LMO3: variants seen among roughly 807,000 people sequenced by gnomAD.
LMO3 encodes LIM domain only protein 3.
In LMO3, 2 loss-of-function variants were observed where a neutral mutation model predicts 15.8. The observed-to-expected ratio is 0.13, with a 90% CI of 0.05 to 0.40. LMO3 has a LOEUF of 0.40. Among genes scored for constraint, LMO3 ranks in the 10% least tolerant of loss-of-function variants. The pLI is 0.99. For missense variants in LMO3, 86 were observed against 182.2 expected (o/e 0.47, Z 3.04); for synonymous variants, 62 against 63.8 (o/e 0.97, Z 0.13).
chr12:16,551,606 T>A (rs1941992205), intron 3 of LMO3, among the ~76,000 whole-genome samples: 4 of 151,270 alleles, frequency 2.6e-5, no homozygotes, highest in South Asian at 2.1e-4. Flanking sequence ...TTTTTTTTTT[T>A]AAACCACACT....
At chr12:16,568,018 T>C (rs1183564780) in intron 2 of LMO3, among the ~76,000 whole-genome samples, 1 of 152,162 alleles carries the variant, frequency 6.6e-6, no homozygotes, top group East Asian at 1.9e-4. Flanking sequence ...AATATTTAAC[T>C]GTTTGATTTT....
intron 1 of LMO3, chr12:16,601,711 T>C (rs1257027825): frequency 6.6e-6 from 1 of 152,052 alleles, no homozygotes; most frequent in East Asian, 1.9e-4. Context: ...TATAAGTAAA[T>C]ATATACATGT....
intron 2 of LMO3, among the ~76,000 whole-genome samples, chr12:16,577,035 A>T (rs1006095260): frequency 2.0e-5 from 3 of 152,178 alleles, no homozygotes; most frequent in Non-Finnish European, 2.9e-5. Flanking sequence ...CACCAATTCC[A>T]TCTGTCTTTG....
chr12:16,558,350 A>T (rs1442820494), intron 3 of LMO3, among the ~76,000 whole-genome samples: 9 of 152,100 alleles, frequency 5.9e-5, no homozygotes, highest in Non-Finnish European at 1.3e-4. Flanking sequence ...AATCTTTTAT[A>T]AGTAGAAAAG....
intron 2 of LMO3, among the ~76,000 whole-genome samples, chr12:16,562,408 T>C (rs1942438804): frequency 6.6e-6 from 1 of 152,220 alleles, no homozygotes; most frequent in African/African-American, 2.4e-5. Flanking sequence ...TTTTTAAGAA[T>C]TATTCAGTTT....
At chr12:16,574,713 G>A (rs1054874399) in intron 2 of LMO3, among the ~76,000 whole-genome samples, 2 of 152,088 alleles carry the variant, frequency 1.3e-5, no homozygotes, top group African/African-American at 2.4e-5. Flanking sequence ...GTTTCCAACC[G>A]CAAAGGATTT....
chr12:16,577,991 T>A (rs1438106272), intron 2 of LMO3, among the ~76,000 whole-genome samples: 2 of 152,212 alleles, frequency 1.3e-5, no homozygotes, highest in Non-Finnish European at 2.9e-5. Flanking sequence ...CTGGCAACAC[T>A]ACAACTAATT....
intron 2 of LMO3, among the ~76,000 whole-genome samples, chr12:16,569,359 T>A (rs1384257149): frequency 6.6e-6 from 1 of 152,218 alleles, no homozygotes; most frequent in East Asian, 1.9e-4. Flanking sequence ...TCTAGGTTTC[T>A]GGACTGACAG....
chr12:16,598,019 A>T lies in LMO3; in HGVS notation c.206+2636T>A, dbSNP rs1242252910. On this transcript the variant is annotated intron_variant, in intron 2 of 3. Transcript: ENST00000537304. The surrounding 1 kb of genome is among the most constrained non-coding windows in gnomAD (Gnocchi z 4.3). ...CCCATTGCCTGAAATCATACCTCTC[A>T]CACAGTAAGCATTTAATAAACATTT... 2.0e-5 allele frequency: 3 copies of T among 152,170 alleles called. No individual in the cohort carries two copies. The highest frequency in any genetic ancestry group is 7.2e-5 in the African/African-American group (3 of 41,562). The allele number at this position is 152,170 out of a possible 1,614,324, so 9.4% of individuals were successfully genotyped here. A position where few individuals can be genotyped will look rare whatever the true frequency, so the allele number is the denominator to read the frequency against.
chr12:16,592,926 G>A (rs571658563), intron 2 of LMO3, among the ~76,000 whole-genome samples: 1 of 151,808 alleles, frequency 6.6e-6, no homozygotes, highest in South Asian at 2.1e-4. Context: ...ACATAACATT[G>A]TTCTAAAAGT....
chr12:16,594,355 A>G, intron 2 of LMO3: 1 of 1,250,500 alleles, frequency 8.0e-7, no homozygotes, highest in Non-Finnish European at 1.1e-6. Context: ...AAAAAGAAAG[A>G]AAAAGGCCAT....
At chr12:16,605,782 G>A (rs1274953591) in intron 1 of LMO3, 1 of 1,535,434 alleles carries the variant, frequency 6.5e-7, no homozygotes, top group Non-Finnish European at 8.7e-7. Flanking sequence ...GACGTTCCGC[G>A]CCGCAGCCGC....
At chr12:16,583,389 C>G (rs975000825) in intron 2 of LMO3, among the ~76,000 whole-genome samples, 1 of 151,836 alleles carries the variant, frequency 6.6e-6, no homozygotes. Flanking sequence ...TTTTACAGAA[C>G]AGAAAAATCT....
rs1292899906 is a variant in LMO3, at chr12:16,597,587, TGGCCCA to T, written c.206+3062_206+3067del. ...TTTTCACTGTATGTAAAAAATTATC[TGGCCCA>T]GGACAATACTTGTAACCAACAATAT... On this transcript the variant is annotated intron_variant, in intron 2 of 3. Coordinates refer to ENST00000537304, the MANE Select transcript of LMO3 (RefSeq NM_018640.5). This position sits in a 1 kb window ranked among gnomAD's most constrained non-coding sequence, Gnocchi z 5.0. 5 of 151,878 alleles carry T rather than the reference TGGCCCA, an allele frequency of 3.3e-5. No homozygotes were observed. The highest frequency in any genetic ancestry group is 5.9e-5 in the Non-Finnish European group (4 of 67,808). 9.4% of individuals were successfully genotyped at this position (151,878 alleles called of 1,614,324 possible). A position where few individuals can be genotyped will look rare whatever the true frequency, so the allele number is the denominator to read the frequency against.
chr12:16,566,307 A>G (rs1404063130), intron 2 of LMO3, among the ~76,000 whole-genome samples: 1 of 151,768 alleles, frequency 6.6e-6, no homozygotes, highest in Non-Finnish European at 1.5e-5. Context: ...GACAGTTAAG[A>G]GAAATAAGTT....
chr12:16,587,679 C>T lies in LMO3; in HGVS notation c.206+12976G>A, dbSNP rs934316149. On this transcript the variant is annotated intron_variant, in intron 2 of 3. Transcript: ENST00000537304. The surrounding 1 kb of genome is among the most constrained non-coding windows in gnomAD (Gnocchi z 4.3). ...GTCTGTCAGGAGTGCATTTTAACAG[C>T]ACGACACAAGTATTTTTCACTACAG... Among the ~76,000 whole-genome samples, 1 of 151,722 alleles carries T rather than the reference C, an allele frequency of 6.6e-6. No individual in the cohort carries two copies. Among genetic ancestry groups the T allele is most frequent in the Non-Finnish European group, 1.5e-5 (1 of 67,778 alleles).
chr12:16,588,888 T>C (rs1943405140), intron 2 of LMO3, among the ~76,000 whole-genome samples: 1 of 152,096 alleles, frequency 6.6e-6, no homozygotes, highest in Admixed American at 6.6e-5. Flanking sequence ...TCTCCCTTCA[T>C]AACAACAGAA....
At position 16,596,866 on chromosome 12, in the gene LMO3, C is replaced by T. The variant is rs1303650442; in HGVS notation, c.206+3789G>A. On this transcript the variant is annotated intron_variant, in intron 2 of 3. Transcript: ENST00000537304. The surrounding 1 kb of genome is among the most constrained non-coding windows in gnomAD (Gnocchi z 4.3). ...CAATTTTAAGCTCCAACTTAAAGTACAAAGATGTTTCTATATCTAATTTGT... is the reference window on the plus strand; with the variant it reads ...CAATTTTAAGCTCCAACTTAAAGTATAAAGATGTTTCTATATCTAATTTGT... Among the ~76,000 whole-genome samples the T allele has an allele frequency of 6.6e-6, 1 of 151,554 alleles. No individual in the cohort carries two copies. Among genetic ancestry groups the T allele is most frequent in the Non-Finnish European group, 1.5e-5 (1 of 67,664 alleles).
At chr12:16,595,707 C>A (rs1237436858) in intron 2 of LMO3, among the ~76,000 whole-genome samples, 1 of 151,006 alleles carries the variant, frequency 6.6e-6, no homozygotes, top group Non-Finnish European at 1.5e-5. Flanking sequence ...ATGCTCATGT[C>A]AAAATATTTC....
Sources: allele counts gnomAD v4.1 joint callset (sites outside exome capture counted in the v4.1 genomes callset), GRCh38; gene constraint gnomAD v4.1.1; non-coding constraint Gnocchi (gnomAD v3.1); transcripts MANE v1.5; gene names NCBI Gene and HGNC (gene_info 2026-07-23, HGNC 2026-07-21).